TRAPPC9: variants seen among roughly 807,000 people sequenced by gnomAD.
TRAPPC9 encodes the protein trafficking protein particle complex subunit 9, also known as IKK2 binding protein.
A neutral mutation model predicts 124.0 loss-of-function variants in TRAPPC9; 83 were observed. That is an observed-to-expected ratio of 0.67 (90% CI 0.56 to 0.80). TRAPPC9 has a LOEUF of 0.80. TRAPPC9 is among the 30% of genes least tolerant of loss of function. The probability of loss-of-function intolerance (pLI) is 0.00; values close to 1 mark genes in which losing one functional copy is unlikely to be tolerated. For synonymous variants in TRAPPC9, 638 were observed against 617.5 expected (o/e 1.03, Z -0.49); for missense variants, 1,302 against 1,508.3 (o/e 0.86, Z 2.27).
chr8:140,213,768 G>A (rs951674757), intron 17 of TRAPPC9, among the ~76,000 whole-genome samples: 3 of 152,200 alleles, frequency 2.0e-5, no homozygotes, highest in African/African-American at 4.8e-5. Flanking sequence ...AGGGAGGCCT[G>A]GCCCCGCCTC....
chr8:140,451,005 C>A lies in TRAPPC9; in HGVS notation c.369G>T (p.Glu123Asp). Residue 123 changes from glutamate to aspartate, a missense_variant, in exon 2 of 23, where the codon GAG (glutamate) becomes GAT (aspartate). Glu to Asp is a conservative substitution (Grantham distance 45). Transcript: ENST00000438773. Reference protein sequence around the residue: ...SRLFVFGLQGEIVEQPRTDVA... With the variant: ...SRLFVFGLQGDIVEQPRTDVA... ...CGTCGGTGCGCGGCTGCTCCACGAT[C>A]TCCCCCTGCAGCCCGAAGACAAAGA... 6.2e-7 allele frequency: 1 copy of A among 1,614,140 alleles called. No individual in the cohort carries two copies. The highest frequency in any genetic ancestry group is 8.5e-7 in the Non-Finnish European group (1 of 1,180,026).
chr8:140,105,350 T>C (rs1371846154), intron 17 of TRAPPC9, among the ~76,000 whole-genome samples: 1 of 152,246 alleles, frequency 6.6e-6, no homozygotes, highest in Non-Finnish European at 1.5e-5. Context: ...GCTAACACTG[T>C]TGAATCTGTC....
intron 17 of TRAPPC9, among the ~76,000 whole-genome samples, chr8:140,024,857 G>T (rs1840041098): frequency 6.6e-6 from 1 of 152,198 alleles, no homozygotes; most frequent in Non-Finnish European, 1.5e-5. Flanking sequence ...CTATCCAGAA[G>T]GTAGGGTCAC....
intron 10 of TRAPPC9, among the ~76,000 whole-genome samples, chr8:140,303,294 A>G (rs1396998775): frequency 1.3e-5 from 2 of 151,906 alleles, no homozygotes; most frequent in African/African-American, 4.8e-5. Flanking sequence ...AATGAGTCCC[A>G]CTCCCCATCA....
chr8:140,446,620 C>G (rs1564029649), intron 2 of TRAPPC9, among the ~76,000 whole-genome samples: 1 of 152,102 alleles, frequency 6.6e-6, no homozygotes, highest in Non-Finnish European at 1.5e-5. Flanking sequence ...ATGGCATGAG[C>G]TCGGCTCACT....
chr8:140,429,867 C>A (rs2070571020), intron 4 of TRAPPC9, among the ~76,000 whole-genome samples: 1 of 150,812 alleles, frequency 6.6e-6, no homozygotes, highest in Admixed American at 6.6e-5. Context: ...ATGTTATCAG[C>A]CAGGTGTGGT....
chr8:140,388,061 A>G (rs1197567856), intron 7 of TRAPPC9, among the ~76,000 whole-genome samples: 1 of 151,910 alleles, frequency 6.6e-6, no homozygotes, highest in Non-Finnish European at 1.5e-5. Context: ...GGATGAGTTC[A>G]TGTCCTTTGT....
intron 21 of TRAPPC9, among the ~76,000 whole-genome samples, chr8:139,769,061 A>G (rs939333170): frequency 6.6e-6 from 1 of 152,160 alleles, no homozygotes; most frequent in African/African-American, 2.4e-5. Flanking sequence ...GAGACTCCAC[A>G]ACTGTCAGAA....
chr8:140,275,853 A>G (rs1182435033), intron 14 of TRAPPC9, 32 bp from the exon 15 acceptor site: 7 of 1,570,964 alleles, frequency 4.5e-6, no homozygotes, highest in Non-Finnish European at 6.1e-6. Flanking sequence ...TAAAGAAGAA[A>G]GAAGGAAGAA....
chr8:139,732,134 G>A lies in TRAPPC9; in HGVS notation c.3124C>T (p.Arg1042Cys), dbSNP rs371009587. 2.4e-5 allele frequency: 38 copies of A among 1,605,098 alleles called. No homozygotes were observed. The highest frequency in any genetic ancestry group is 3.2e-5 in the Non-Finnish European group (38 of 1,176,994). ...VAACQVGDPVRLEVRLTNRSP... is the reference protein window; with the variant it reads ...VAACQVGDPVCLEVRLTNRSP... ...CGGTTGGTCAGCCGCACCTCCAGGC[G>A]CACGGGGTCGCCCACCTGGCAGGCC... Residue 1042 changes from arginine to cysteine, a missense_variant, in exon 22 of 23, where the codon CGC becomes TGC. Coordinates refer to ENST00000438773, the MANE Select transcript of TRAPPC9 (RefSeq NM_001160372.4).
chr8:140,100,968 G>A (rs547000931), intron 17 of TRAPPC9, among the ~76,000 whole-genome samples: 1 of 152,178 alleles, frequency 6.6e-6, no homozygotes. Context: ...GCTCCCTGGA[G>A]GACTATATGT....
chr8:139,768,319 C>T (rs1470646139), intron 21 of TRAPPC9, among the ~76,000 whole-genome samples: 2 of 152,208 alleles, frequency 1.3e-5, no homozygotes, highest in Admixed American at 6.5e-5. Context: ...CCTGGAGCCA[C>T]AGCAGTGAAT....
intron 17 of TRAPPC9, among the ~76,000 whole-genome samples, chr8:140,089,402 G>T (rs1449966051): frequency 6.6e-6 from 1 of 152,138 alleles, no homozygotes; most frequent in Non-Finnish European, 1.5e-5. Flanking sequence ...CATGGACCAG[G>T]CAGCCCCCTG....
intron 15 of TRAPPC9, among the ~76,000 whole-genome samples, chr8:140,259,206 C>T (rs530976324): frequency 1.4e-4 from 21 of 152,310 alleles, no homozygotes; most frequent in South Asian, 4.1e-4. Context: ...AGGAATGCCC[C>T]GCTCACTTTC....
chr8:140,343,449 G>A (rs1396590299), intron 9 of TRAPPC9, among the ~76,000 whole-genome samples: 2 of 152,222 alleles, frequency 1.3e-5, no homozygotes, highest in African/African-American at 2.4e-5. Context: ...GGGCCACGTC[G>A]TGAATCTGAC....
chr8:140,276,989 C>T (rs1031848838), intron 14 of TRAPPC9, among the ~76,000 whole-genome samples: 23 of 152,180 alleles, frequency 1.5e-4, no homozygotes, highest in African/African-American at 4.6e-4. Context: ...CTGTGGACCA[C>T]CCCACTCCAG....
At chr8:140,200,663 G>A (rs191946238) in intron 17 of TRAPPC9, among the ~76,000 whole-genome samples, 97 of 152,168 alleles carry the variant, frequency 6.4e-4, no homozygotes, top group Non-Finnish European at 1.2e-3. Flanking sequence ...TACTCTCAAC[G>A]TCACGAAAAA....
chr8:140,403,639 A>G (rs1056143564), intron 6 of TRAPPC9, among the ~76,000 whole-genome samples: 9 of 150,180 alleles, frequency 6.0e-5, no homozygotes, highest in Non-Finnish European at 8.9e-5. Flanking sequence ...ACAGGAATAT[A>G]TAACACTTTA....
chr8:139,859,409 C>T (rs1827995850), intron 21 of TRAPPC9, among the ~76,000 whole-genome samples: 1 of 152,212 alleles, frequency 6.6e-6, no homozygotes, highest in Non-Finnish European at 1.5e-5. Flanking sequence ...CTATTGCTTA[C>T]TAAGCAAAGC....
Sources: gnomAD v4.1 joint callset for allele counts (sites outside exome capture counted in the v4.1 genomes callset) on GRCh38, gnomAD v4.1.1 for gene constraint, MANE v1.5 for transcripts, NCBI Gene and HGNC (gene_info 2026-07-23, HGNC 2026-07-21) for gene names.